ADAMTS17: variants seen among roughly 807,000 people sequenced by gnomAD.
ADAMTS17 encodes A disintegrin and metalloproteinase with thrombospondin motifs 17.
A neutral mutation model predicts 141.5 loss-of-function variants in ADAMTS17; 113 were observed. The ratio of observed to expected loss-of-function variants is 0.80; its 90% CI spans 0.69 to 0.93. ADAMTS17 has a LOEUF of 0.93. Ranked by LOEUF, ADAMTS17 falls within the 40% of genes least tolerant of loss-of-function variation. The pLI is 0.00. For synonymous variants in ADAMTS17, 768 were observed against 630.6 expected, an observed-to-expected ratio of 1.22 and a Z score of -3.27; for missense variants, 1,659 against 1,517.9, an observed-to-expected ratio of 1.09 and a Z score of -1.54.
At chr15:100,027,142 C>T (rs2061531027) in intron 18 of ADAMTS17, among the ~76,000 whole-genome samples, 1 of 152,198 alleles carries the variant, frequency 6.6e-6, no homozygotes, top group Non-Finnish European at 1.5e-5. Flanking sequence ...TCTCTCTTTC[C>T]TAATCTTTTA....
intron 21 of ADAMTS17, among the ~76,000 whole-genome samples, chr15:99,975,107 C>A (rs903668885): frequency 6.6e-6 from 1 of 152,220 alleles, no homozygotes; most frequent in Non-Finnish European, 1.5e-5. Context: ...AACAAAGATA[C>A]TAGAAATCCC....
intron 12 of ADAMTS17, among the ~76,000 whole-genome samples, chr15:100,119,109 G>C (rs1346605352): frequency 3.4e-5 from 5 of 145,766 alleles, no homozygotes; most frequent in African/African-American, 1.2e-4. Context: ...TTGTCAGCAA[G>C]CCACCAGAAG....
In ADAMTS17 at chr15:99,993,559, G is replaced by A. The variant is rs1220785627; in HGVS notation, c.2797-359C>T. On this transcript the variant is annotated intron_variant, in intron 19 of 21. Transcript: ENST00000268070. This position sits in a 1 kb window ranked among gnomAD's most constrained non-coding sequence, Gnocchi z 4.3. ...GTGTGATGGAGCCATGAGTGGGGCA[G>A]GGAACAGGGGCCAGCCGGAGCAAGG... is the stretch of plus-strand genomic sequence containing the variant. 6.6e-6 allele frequency among the ~76,000 whole-genome samples: 1 copy of A among 152,200 alleles called. No homozygotes were observed. Among genetic ancestry groups the A allele is most frequent in the Non-Finnish European group, 1.5e-5 (1 of 68,024 alleles).
chr15:100,291,582 GAATC>G (rs2044626104), intron 3 of ADAMTS17, among the ~76,000 whole-genome samples: 1 of 151,990 alleles, frequency 6.6e-6, no homozygotes, highest in African/African-American at 2.4e-5. Context: ...CAAAAACCTG[GAATC>G]AATCTAGATG....
At chr15:100,256,154 A>C (rs559144677) in intron 6 of ADAMTS17, among the ~76,000 whole-genome samples, 89 of 152,282 alleles carry the variant, frequency 5.8e-4, no homozygotes, top group African/African-American at 2.1e-3. Flanking sequence ...CTGCCAACTC[A>C]TGACAAACCC....
intron 6 of ADAMTS17, among the ~76,000 whole-genome samples, chr15:100,255,617 A>AACACACACACACACACCCACACAC (rs2043300308): frequency 7.1e-6 from 1 of 140,186 alleles, no homozygotes; most frequent in Non-Finnish European, 1.5e-5. Flanking sequence ...TGTTTTGAGC[A>AACACACACACACACACCCACACAC]ACACACACAC....
chr15:100,096,759 C>T (rs1029260541), intron 14 of ADAMTS17, among the ~76,000 whole-genome samples: 4 of 152,184 alleles, frequency 2.6e-5, no homozygotes, highest in Admixed American at 1.3e-4. Flanking sequence ...ATGGGGGTCA[C>T]GCTGAGGCCT....
At chr15:100,123,555 G>C (rs1218747286) in intron 12 of ADAMTS17, among the ~76,000 whole-genome samples, 1 of 152,202 alleles carries the variant, frequency 6.6e-6, no homozygotes, top group Admixed American at 6.5e-5. Context: ...CTGAGGACCG[G>C]GAAGAAACTT....
chr15:99,982,422 T>C (rs28486075), intron 20 of ADAMTS17, among the ~76,000 whole-genome samples: 7,099 of 152,184 alleles, frequency 0.047, 544 homozygotes, highest in African/African-American at 0.16. Context: ...GTTTTGGCCC[T>C]GAAGACAAAC....
At chr15:100,209,055 G>A (rs967145338) in intron 7 of ADAMTS17, among the ~76,000 whole-genome samples, 2 of 129,432 alleles carry the variant, frequency 1.5e-5, no homozygotes, top group Admixed American at 9.4e-5. Flanking sequence ...TCTTATAGCC[G>A]TATTTCTAAA....
At chr15:100,320,180 G>A (rs12438347) in intron 3 of ADAMTS17, among the ~76,000 whole-genome samples, 36,683 of 151,982 alleles carry the variant, frequency 0.24, 5,053 homozygotes, top group South Asian at 0.43. Context: ...CAGAGATGGA[G>A]ACCAAAAACG....
At chr15:100,032,358 T>C (rs1157289438) in intron 18 of ADAMTS17, among the ~76,000 whole-genome samples, 1 of 152,242 alleles carries the variant, frequency 6.6e-6, no homozygotes, top group African/African-American at 2.4e-5. Flanking sequence ...CACCTTCATA[T>C]TGAACCCCTT....
chr15:100,271,465 T>C (rs2043908202), intron 4 of ADAMTS17, among the ~76,000 whole-genome samples: 1 of 152,206 alleles, frequency 6.6e-6, no homozygotes, highest in South Asian at 2.1e-4. Context: ...TTATTATAGT[T>C]TTAATTTCCA....
chr15:100,206,696 T>C lies in ADAMTS17; in HGVS notation c.1076-7273A>G, dbSNP rs535462864. 5.9e-5 allele frequency among the ~76,000 whole-genome samples: 9 copies of C among 152,236 alleles called. No homozygotes were observed. The East Asian group carries it at 1.7e-3, about 29-fold the overall frequency. ...TTGGCTAAAAATAATCTCCTCCATG[T>C]GGGGAACGGGACAACTAAGTCTTCC... On this transcript the variant is annotated intron_variant, in intron 7 of 21. Coordinates refer to ENST00000268070, the MANE Select transcript of ADAMTS17 (RefSeq NM_139057.4).
At chr15:100,339,935 A>C (rs2046315047) in intron 2 of ADAMTS17, among the ~76,000 whole-genome samples, 1 of 152,186 alleles carries the variant, frequency 6.6e-6, no homozygotes, top group Non-Finnish European at 1.5e-5. Context: ...ATTCTCGAGG[A>C]CTCGCCACAG....
At chr15:100,307,807 C>T (rs557169749) in intron 3 of ADAMTS17, among the ~76,000 whole-genome samples, 5 of 152,364 alleles carry the variant, frequency 3.3e-5, no homozygotes, top group East Asian at 3.9e-4. Flanking sequence ...CACAGACCCC[C>T]TGCTGGGACC....
At position 100,114,571 on chromosome 15, in the gene ADAMTS17, A is replaced by C. The variant is rs2036993161; in HGVS notation, c.1888+2276T>G. 2.0e-5 allele frequency among the ~76,000 whole-genome samples: 3 copies of C among 152,182 alleles called. No homozygotes were observed. In the South Asian group the frequency reaches 6.2e-4, roughly 32 times the overall value. Reference sequence around the variant, plus strand: ...AGGACGTGTCGAGCTACCTGTGCAAAGCCCCGAGCGTGGGGTCTCTCCTTC... The same window carrying C: ...AGGACGTGTCGAGCTACCTGTGCAACGCCCCGAGCGTGGGGTCTCTCCTTC... On this transcript the variant is annotated intron_variant, in intron 13 of 21. Transcript: ENST00000268070.
intron 15 of ADAMTS17, among the ~76,000 whole-genome samples, chr15:100,090,002 A>C (rs1383283792): frequency 5.3e-5 from 8 of 152,008 alleles, no homozygotes; most frequent in South Asian, 2.1e-4. Context: ...TAAAAAAAAA[A>C]AAAACAAAAT....
chr15:100,249,550 A>C (rs1405446923), intron 7 of ADAMTS17, among the ~76,000 whole-genome samples: 12 of 152,160 alleles, frequency 7.9e-5, no homozygotes, highest in Admixed American at 7.9e-4. Flanking sequence ...GTGGTGGCAC[A>C]TGGACCAGAC....
Sources: allele counts gnomAD v4.1 joint callset (sites outside exome capture counted in the v4.1 genomes callset), GRCh38; gene constraint gnomAD v4.1.1; non-coding constraint Gnocchi (gnomAD v3.1); transcripts MANE v1.5; gene names NCBI Gene and HGNC (gene_info 2026-07-23, HGNC 2026-07-21).